Variants in PDZRN4 observed in about 807,000 individuals in gnomAD.
PDZRN4 encodes the protein PDZ domain containing ring finger 4.
PDZRN4 carries 70 observed loss-of-function variants against 99.0 expected under a neutral mutation model. The ratio of observed to expected loss-of-function variants is 0.71; its 90% CI spans 0.58 to 0.86. The LOEUF (loss-of-function observed/expected upper bound fraction) is 0.86, where lower values mean the gene tolerates loss of function less well. Among genes scored for constraint, PDZRN4 ranks in the 40% least tolerant of loss-of-function variants. The pLI is 0.00. For missense variants in PDZRN4, 1,474 were observed against 1,331.2 expected, an observed-to-expected ratio of 1.11 and a Z score of -1.67; for synonymous variants, 551 against 501.6, an observed-to-expected ratio of 1.10 and a Z score of -1.32.
intron 3 of PDZRN4, among the ~76,000 whole-genome samples, chr12:41,368,563 C>G (rs966846867): frequency 6.6e-6 from 1 of 152,060 alleles, no homozygotes; most frequent in Non-Finnish European, 1.5e-5. Context: ...TTCCAAATAA[C>G]TCTCAATCAA....
chr12:41,214,452 T>TAAAAAAAAAAAAAAAAAAAAAAAA (rs1555216889), intron 3 of PDZRN4, among the ~76,000 whole-genome samples: 4 of 53,108 alleles, frequency 7.5e-5, no homozygotes, highest in Non-Finnish European at 1.6e-4. Flanking sequence ...AAAAAAAAAG[T>TAAAAAAAAAAAAAAAAAAAAAAAA]TATCTATTTG....
At chr12:41,561,732 C>T (rs1939274150) in intron 7 of PDZRN4, among the ~76,000 whole-genome samples, 1 of 151,724 alleles carries the variant, frequency 6.6e-6, no homozygotes. Context: ...CTCTTAGGAT[C>T]AGATGTGCCT....
At chr12:41,309,665 A>T (rs1029655915) in intron 3 of PDZRN4, among the ~76,000 whole-genome samples, 1 of 152,176 alleles carries the variant, frequency 6.6e-6, no homozygotes, top group Non-Finnish European at 1.5e-5. Flanking sequence ...AATGGCTGTA[A>T]TATGTAAAGC....
intron 3 of PDZRN4, among the ~76,000 whole-genome samples, chr12:41,303,412 A>G (rs1951550274): frequency 6.6e-6 from 1 of 152,148 alleles, no homozygotes; most frequent in Non-Finnish European, 1.5e-5. Flanking sequence ...AGTTTTCTCT[A>G]TCTATGAACC....
chr12:41,518,936 A>G (rs892180979), intron 5 of PDZRN4, among the ~76,000 whole-genome samples: 3 of 151,978 alleles, frequency 2.0e-5, no homozygotes, highest in African/African-American at 7.3e-5. Context: ...TGACAAAGCA[A>G]GACCCCCAAC....
At chr12:41,442,560 T>C (rs981429059) in intron 3 of PDZRN4, among the ~76,000 whole-genome samples, 2 of 152,096 alleles carry the variant, frequency 1.3e-5, no homozygotes, top group African/African-American at 4.8e-5. Flanking sequence ...GCAGCCTCTT[T>C]AGAATTAAAC....
intron 3 of PDZRN4, among the ~76,000 whole-genome samples, chr12:41,234,809 A>G (rs1591979048): frequency 6.6e-6 from 1 of 152,182 alleles, no homozygotes; most frequent in East Asian, 1.9e-4. Context: ...TGGTTACTTA[A>G]CCCTACGACA....
intron 3 of PDZRN4, among the ~76,000 whole-genome samples, chr12:41,260,763 G>C (rs1296018818): frequency 1.3e-5 from 2 of 152,038 alleles, no homozygotes; most frequent in East Asian, 3.9e-4. Context: ...ATATAAACTT[G>C]TGTACAATTG....
At chr12:41,481,330 A>C (rs149565062) in intron 3 of PDZRN4, among the ~76,000 whole-genome samples, 134 of 152,042 alleles carry the variant, frequency 8.8e-4, no homozygotes, top group Non-Finnish European at 1.6e-3. Context: ...CTTCCTTCCA[A>C]CCTAGCCTAA....
chr12:41,360,934 A>G (rs1365726821), intron 3 of PDZRN4, among the ~76,000 whole-genome samples: 1 of 128,150 alleles, frequency 7.8e-6, no homozygotes, highest in Non-Finnish European at 1.7e-5. Context: ...CCAAAGAATA[A>G]GTAAAGTGTG....
intron 3 of PDZRN4, among the ~76,000 whole-genome samples, chr12:41,219,621 C>T (rs1950941049): frequency 6.6e-6 from 1 of 151,772 alleles, no homozygotes; most frequent in African/African-American, 2.4e-5. Context: ...AGCTGCCTCC[C>T]GAGAAACATG....
intron 3 of PDZRN4, among the ~76,000 whole-genome samples, chr12:41,444,282 A>G (rs938557307): frequency 3.3e-5 from 5 of 152,052 alleles, no homozygotes; most frequent in Non-Finnish European, 7.4e-5. Flanking sequence ...ACCCAACGTC[A>G]TTCCCCTCCC....
intron 3 of PDZRN4, among the ~76,000 whole-genome samples, chr12:41,399,097 A>G (rs1186198302): frequency 6.6e-6 from 1 of 152,150 alleles, no homozygotes; most frequent in Non-Finnish European, 1.5e-5. Flanking sequence ...AAGGTCTAAA[A>G]ATAAAGTATT....
Position 41,211,089 on chromosome 12 carries a change from C to T in PDZRN4, c.843+16901C>T, listed in dbSNP as rs111663269. Reference sequence around the variant, plus strand: ...TTAAAAATCACAAGACAGTGTTTCACGCCCTCAGGAAAATCCGAAGTTGAA... The same window carrying T: ...TTAAAAATCACAAGACAGTGTTTCATGCCCTCAGGAAAATCCGAAGTTGAA... On this transcript the variant is annotated intron_variant, in intron 3 of 9. Transcript: ENST00000402685. 9.7e-3 allele frequency among the ~76,000 whole-genome samples: 1,471 copies of T among 152,068 alleles called. 12 individuals carry two copies. Among genetic ancestry groups the T allele is most frequent in the South Asian group, 0.024 (116 of 4,828 alleles).
chr12:41,370,520 A>G (rs1353186524), intron 3 of PDZRN4, among the ~76,000 whole-genome samples: 1 of 151,960 alleles, frequency 6.6e-6, no homozygotes, highest in East Asian at 1.9e-4. Flanking sequence ...GATGTCTTAC[A>G]GTTATACAGC....
chr12:41,406,097 AC>A (rs899514536), intron 3 of PDZRN4, among the ~76,000 whole-genome samples: 3 of 152,154 alleles, frequency 2.0e-5, no homozygotes, highest in African/African-American at 7.2e-5. Flanking sequence ...ACTAAAAAAA[AC>A]CAAAATATTT....
chr12:41,246,006 C>A (rs1036519808), intron 3 of PDZRN4, among the ~76,000 whole-genome samples: 3 of 152,110 alleles, frequency 2.0e-5, no homozygotes, highest in African/African-American at 7.2e-5. Flanking sequence ...TCTAGGGAGA[C>A]AAAAGCCATC....
At chr12:41,466,322 G>A (rs931191394) in intron 3 of PDZRN4, among the ~76,000 whole-genome samples, 4 of 152,200 alleles carry the variant, frequency 2.6e-5, no homozygotes, top group Admixed American at 2.6e-4. Flanking sequence ...CCTAGGTTAG[G>A]CATTAATACC....
At chr12:41,272,295 A>T (rs145286327) in intron 3 of PDZRN4, among the ~76,000 whole-genome samples, 308 of 152,222 alleles carry the variant, frequency 2.0e-3, no homozygotes, top group Non-Finnish European at 2.8e-3. Context: ...TGGTAAAAAT[A>T]TTGTTTTCTT....
Sources: gnomAD v4.1 joint callset for allele counts (sites outside exome capture counted in the v4.1 genomes callset) on GRCh38, gnomAD v4.1.1 for gene constraint, MANE v1.5 for transcripts, NCBI Gene and HGNC (gene_info 2026-07-23, HGNC 2026-07-21) for gene names.